Variants in KLF7 observed in about 807,000 individuals in gnomAD.
KLF7 encodes Krueppel-like factor 7.
KLF7 carries 2 observed loss-of-function variants against 27.3 expected under a neutral mutation model. That is an observed-to-expected ratio of 0.07 (90% CI 0.03 to 0.23). The LOEUF is 0.23. Ranked by LOEUF, KLF7 falls within the 10% of genes least tolerant of loss-of-function variation. The pLI is 1.00. For missense variants in KLF7, 221 were observed against 394.1 expected (o/e 0.56, Z 3.72); for synonymous variants, 165 against 162.4 (o/e 1.02, Z -0.12).
chr2:207,124,069 G>A lies in KLF7; in HGVS notation c.438C>T (p.Arg146=), dbSNP rs1249331413. 2 of 1,614,058 alleles carry A rather than the reference G, an allele frequency of 1.2e-6. No individual in the cohort carries two copies. Among genetic ancestry groups the A allele is most frequent in the South Asian group, 1.1e-5 (1 of 91,088 alleles). Residue 146 remains arginine, a synonymous_variant, in exon 2 of 4, where the codon CGC becomes CGT. Transcript: ENST00000309446. ...GAGTTTGTGAGGTTTTGACCAGATG[G>A]CGGCTGAGCTCAGGGGACGATGGGG... ...LTPPSSPELS[R]HLVKTSQTLS... is the part of the protein sequence containing the mutation.
chr2:207,119,135 T>C (rs1308647441), intron 2 of KLF7, among the ~76,000 whole-genome samples: 1 of 152,202 alleles, frequency 6.6e-6, no homozygotes, highest in East Asian at 1.9e-4. Context: ...CTTCAGTCTA[T>C]AGAGAGAGTC....
chr2:207,156,177 G>A (rs1202138332), intron 1 of KLF7, among the ~76,000 whole-genome samples: 6 of 152,152 alleles, frequency 3.9e-5, no homozygotes, highest in Non-Finnish European at 1.5e-5. Context: ...GTAGCTACAG[G>A]ACATACAATT....
intron 2 of KLF7, among the ~76,000 whole-genome samples, chr2:207,118,907 C>A (rs931766935): frequency 1.8e-4 from 27 of 152,146 alleles, no homozygotes; most frequent in African/African-American, 6.5e-4. Context: ...GTATTTTTAG[C>A]CACCTTTTCA....
chr2:207,097,207 T>C (rs1025419967), intron 2 of KLF7, among the ~76,000 whole-genome samples: 16 of 152,070 alleles, frequency 1.1e-4, no homozygotes, highest in Non-Finnish European at 2.1e-4. Context: ...CTTGTAAAGG[T>C]ATTTAATAAC....
chr2:207,143,711 C>T (rs938633338), intron 1 of KLF7, among the ~76,000 whole-genome samples: 3 of 152,192 alleles, frequency 2.0e-5, no homozygotes, highest in Non-Finnish European at 4.4e-5. Flanking sequence ...GGCTACTACT[C>T]AGATTCAACG....
intron 1 of KLF7, among the ~76,000 whole-genome samples, chr2:207,133,469 T>C (rs2077693191): frequency 6.6e-6 from 1 of 152,188 alleles, no homozygotes; most frequent in South Asian, 2.1e-4. Flanking sequence ...AGGAGAGGAC[T>C]CTAAGCAGTT....
At chr2:207,104,598 A>G (rs999701397) in intron 2 of KLF7, among the ~76,000 whole-genome samples, 5 of 152,210 alleles carry the variant, frequency 3.3e-5, no homozygotes, top group African/African-American at 9.6e-5. Context: ...CAATAGCCCT[A>G]ATGCTATTAT....
At chr2:207,153,819 G>A (rs78312988) in intron 1 of KLF7, among the ~76,000 whole-genome samples, 3,305 of 152,234 alleles carry the variant, frequency 0.022, 108 homozygotes, top group East Asian at 0.14. Context: ...GCTAGCCAAT[G>A]GGACTTTCCT....
At chr2:207,131,245 CTAAG>C (rs1388971112) in intron 1 of KLF7, among the ~76,000 whole-genome samples, 1 of 152,180 alleles carries the variant, frequency 6.6e-6, no homozygotes, top group Non-Finnish European at 1.5e-5. Flanking sequence ...GAATGTTCAC[CTAAG>C]TAATTGCACA....
the KLF7 span, among the ~76,000 whole-genome samples, chr2:207,172,974 TAATA>T: frequency 7.3e-6 from 1 of 137,354 alleles, no homozygotes; most frequent in East Asian, 1.9e-4. Context: ...GTCCTATCAT[TAATA>T]AATATTTTTG....
In KLF7 at chr2:207,122,682, C is replaced by A. The variant is rs533029086; in HGVS notation, c.733+1092G>T. 2.6e-5 allele frequency among the ~76,000 whole-genome samples: 4 copies of A among 152,306 alleles called. No homozygotes were observed. In the South Asian group the frequency reaches 8.3e-4, roughly 32 times the overall value. ...CCAGCAATCTCTCCCCTGCACACTTCTTTGGAGGCACAGCCCAGAAGGCCC... is the reference window on the plus strand; with the variant it reads ...CCAGCAATCTCTCCCCTGCACACTTATTTGGAGGCACAGCCCAGAAGGCCC... On this transcript the variant is annotated intron_variant, in intron 2 of 3. Coordinates refer to ENST00000309446, the MANE Select transcript of KLF7 (RefSeq NM_003709.4).
chr2:207,142,594 T>A (rs1375743470), intron 1 of KLF7, among the ~76,000 whole-genome samples: 2 of 152,202 alleles, frequency 1.3e-5, no homozygotes, highest in Non-Finnish European at 2.9e-5. Context: ...CCACTCACTC[T>A]CCCTGCAGAG....
rs556273245 is a variant in KLF7, at chr2:207,112,208, A to T, written c.733+11566T>A. ...GATTAACAACTGGTCCTTTTAACAG[A>T]GATAGCAGAAATAATATTATACCCT... On this transcript the variant is annotated intron_variant, in intron 2 of 3. Coordinates refer to ENST00000309446, the MANE Select transcript of KLF7 (RefSeq NM_003709.4). Among the ~76,000 whole-genome samples the T allele has an allele frequency of 1.2e-4, 14 of 117,256 alleles. No homozygotes were observed. In the South Asian group the frequency reaches 3.8e-3, roughly 32 times the overall value. 76.9% of individuals were successfully genotyped at this position (117,256 alleles called of 152,430 possible). A position where few individuals can be genotyped will look rare whatever the true frequency, so the allele number is the denominator to read the frequency against.
At chr2:207,163,063 G>A (rs1460071253) in intron 1 of KLF7, among the ~76,000 whole-genome samples, 3 of 152,206 alleles carry the variant, frequency 2.0e-5, no homozygotes, top group African/African-American at 7.2e-5. Flanking sequence ...ATACTCAGAA[G>A]CAGCAAGACG....
chr2:207,120,552 C>CT (rs1046341449), intron 2 of KLF7, among the ~76,000 whole-genome samples: 4 of 152,126 alleles, frequency 2.6e-5, no homozygotes, highest in Non-Finnish European at 5.9e-5. Context: ...TCTTATCTCC[C>CT]TTTTTTTCCT....
intron 1 of KLF7, among the ~76,000 whole-genome samples, chr2:207,150,052 T>G (rs1245985570): frequency 6.6e-6 from 1 of 152,206 alleles, no homozygotes; most frequent in African/African-American, 2.4e-5. Flanking sequence ...TTCTCAGTTT[T>G]ACCCAAAACC....
chr2:207,157,425 A>G (rs2078419242), intron 1 of KLF7, among the ~76,000 whole-genome samples: 3 of 94,894 alleles, frequency 3.2e-5, no homozygotes, highest in African/African-American at 8.7e-5. Context: ...AGAGGGAGGA[A>G]GAGGAAAAAG....
Position 207,124,336 on chromosome 2 carries a change from G to A in KLF7, c.171C>T (p.Asp57=), listed in dbSNP as rs61743721. Residue 57 remains aspartate, a synonymous_variant, in exon 2 of 4, where the codon GAC becomes GAT. Transcript: ENST00000309446. ...GGGAAGCGTGGAGGAAACAGTCCAA[G>A]TCCTCACCAAAGGTCTCTGAGATCC... ...PRRISETFGE[D]LDCFLHASPP... is the part of the protein sequence containing the mutation. 530 of 1,607,550 alleles carry A rather than the reference G, an allele frequency of 3.3e-4. 1 individual carries two copies. In the African/African-American group the frequency reaches 6.5e-3, roughly 20 times the overall value.
rs567779117 is a variant in KLF7, at chr2:207,124,019, G to A, written c.488C>T (p.Thr163Met). The change falls in exon 2 of 4, where the codon ACG (threonine) becomes ATG (methionine). Residue 163 changes from threonine (T) to methionine (M), a missense_variant. Physicochemically the swap from Thr to Met is moderately conservative, Grantham distance 81. Around this residue, in one of 3 missense-constraint regions of KLF7, gnomAD observed 180 missense variants for 227.9 expected, o/e 0.79. Coordinates refer to ENST00000309446, the MANE Select transcript of KLF7 (RefSeq NM_003709.4). The part of the protein sequence containing the change: ...QTLSAVDGTV[T>M]LKLVAKKAAL... ...AGCCTTCTTGGCCACCAGTTTCAAC[G>A]TCACCGTGCCATCCACGGCAGAGAG... 5.0e-6 allele frequency: 8 copies of A among 1,614,118 alleles called. No homozygotes were observed. Among genetic ancestry groups the A allele is most frequent in the East Asian group, 2.2e-5 (1 of 44,854 alleles).
Sources: gnomAD v4.1 joint callset for allele counts (sites outside exome capture counted in the v4.1 genomes callset) on GRCh38, gnomAD v4.1.1 for gene constraint, gnomAD v4.1.1 regional missense constraint, MANE v1.5 for transcripts, NCBI Gene and HGNC (gene_info 2026-07-23, HGNC 2026-07-21) for gene names.